CSGALNACT1: variants seen among roughly 807,000 people sequenced by gnomAD.
CSGALNACT1 encodes beta4GalNAcT-1.
In CSGALNACT1, 52 loss-of-function variants were observed where a neutral mutation model predicts 51.0. The observed-to-expected ratio is 1.02, with a 90% CI of 0.82 to 1.29. CSGALNACT1 has a LOEUF of 1.29. CSGALNACT1 is among the 50% of genes most tolerant of loss of function. The pLI is 0.00. For synonymous variants in CSGALNACT1, 341 were observed against 254.4 expected (o/e 1.34, Z -3.24); for missense variants, 935 against 679.2 (o/e 1.38, Z -4.19).
At chr8:19,745,426 C>G (rs1375829284) in intron 1 of CSGALNACT1, among the ~76,000 whole-genome samples, 1 of 152,138 alleles carries the variant, frequency 6.6e-6, no homozygotes, top group Non-Finnish European at 1.5e-5. Context: ...ATTATCAAAT[C>G]AAGGCATACA....
In CSGALNACT1 at chr8:19,450,901, T is replaced by C. The variant is rs1158059447; in HGVS notation, c.851+7525A>G. Among the ~76,000 whole-genome samples the C allele has an allele frequency of 2.6e-5, 4 of 151,836 alleles. No individual in the cohort carries two copies. The South Asian group carries it at 8.3e-4, about 32-fold the overall frequency. On this transcript the variant is annotated intron_variant, in intron 5 of 9. Transcript: ENST00000454498. ...CACCAGACTGGGCTACTGAGCTTTT[T>C]TAGAGACCCTGTCTTCAAAAAAAAA... is the stretch of plus-strand genomic sequence containing the variant.
At chr8:19,708,288 A>C (rs2062298249) in intron 1 of CSGALNACT1, among the ~76,000 whole-genome samples, 1 of 152,238 alleles carries the variant, frequency 6.6e-6, no homozygotes, top group Admixed American at 6.5e-5. Flanking sequence ...CAGCAGACTC[A>C]GCACCTAGGA....
At chr8:19,684,119 T>G (rs1215529718), upstream of CSGALNACT1, among the ~76,000 whole-genome samples, 2 of 152,168 alleles carry the variant, frequency 1.3e-5, no homozygotes, top group Non-Finnish European at 2.9e-5. Flanking sequence ...GGAGCAGAGA[T>G]AGTGCCATTG....
chr8:19,438,110 A>G (rs1237776750), intron 6 of CSGALNACT1, among the ~76,000 whole-genome samples: 1 of 151,022 alleles, frequency 6.6e-6, no homozygotes, highest in East Asian at 2.0e-4. Context: ...GAAATCTGCC[A>G]TACCCATAGG....
chr8:19,467,258 T>C (rs1374507857), intron 4 of CSGALNACT1, among the ~76,000 whole-genome samples: 1 of 151,996 alleles, frequency 6.6e-6, no homozygotes, highest in East Asian at 1.9e-4. Flanking sequence ...TAGCTGGGAC[T>C]ACAGGAGCCC....
At chr8:19,603,094 G>T (rs1588958807), upstream of CSGALNACT1, among the ~76,000 whole-genome samples, 3 of 128,944 alleles carry the variant, frequency 2.3e-5, no homozygotes, top group African/African-American at 6.1e-5. Flanking sequence ...ACACAGAATT[G>T]CTCCCATTTC....
At chr8:19,652,962 A>T (rs2057944750) in intron 1 of CSGALNACT1, among the ~76,000 whole-genome samples, 1 of 152,176 alleles carries the variant, frequency 6.6e-6, no homozygotes, top group South Asian at 2.1e-4. Context: ...ATTTTCCAGT[A>T]ACCAAGTATC....
At chr8:19,560,195 T>A (rs992911348) in intron 3 of CSGALNACT1, among the ~76,000 whole-genome samples, 1 of 152,104 alleles carries the variant, frequency 6.6e-6, no homozygotes, top group Non-Finnish European at 1.5e-5. Context: ...AGTATCCAAA[T>A]AAAAAAATTC....
At chr8:19,710,562 G>C (rs759876277) in intron 1 of CSGALNACT1, among the ~76,000 whole-genome samples, 1 of 152,038 alleles carries the variant, frequency 6.6e-6, no homozygotes, top group Non-Finnish European at 1.5e-5. Flanking sequence ...AAGCAAACAG[G>C]GCACAATGTT....
intron 1 of CSGALNACT1, among the ~76,000 whole-genome samples, chr8:19,615,159 C>A (rs1318603418): frequency 4.6e-5 from 7 of 152,112 alleles, no homozygotes; most frequent in Non-Finnish European, 8.8e-5. Context: ...CAAAAATTAA[C>A]CAGGCATGCT....
intron 6 of CSGALNACT1, 115 bp downstream of exon 5, chr8:19,439,715 C>T (rs2153749132): frequency 1.2e-6 from 1 of 810,266 alleles, no homozygotes; most frequent in East Asian, 2.7e-5. Context: ...ATCAATCCAT[C>T]CCAGTTCACC....
chr8:19,750,457 A>G (rs1382681070), intron 1 of CSGALNACT1, among the ~76,000 whole-genome samples: 3 of 152,148 alleles, frequency 2.0e-5, no homozygotes, highest in African/African-American at 4.8e-5. Flanking sequence ...GGTTGAGAGG[A>G]GACAGATGAG....
At chr8:19,616,821 C>T (rs994604167) in intron 1 of CSGALNACT1, among the ~76,000 whole-genome samples, 1 of 152,194 alleles carries the variant, frequency 6.6e-6, no homozygotes, top group African/African-American at 2.4e-5. Context: ...ATCAGCAGAA[C>T]TGTGAGCCAA....
chr8:19,552,751 T>G (rs560031874), intron 3 of CSGALNACT1, among the ~76,000 whole-genome samples: 2 of 152,342 alleles, frequency 1.3e-5, no homozygotes, highest in South Asian at 4.1e-4. Context: ...TTAGTTTCCT[T>G]GTGTAAAAAG....
intron 1 of CSGALNACT1, among the ~76,000 whole-genome samples, chr8:19,692,465 C>T (rs1421448834): frequency 6.6e-6 from 1 of 152,122 alleles, no homozygotes; most frequent in Non-Finnish European, 1.5e-5. Context: ...TGTCTACGCT[C>T]ATGGTAAGGG....
intron 1 of CSGALNACT1, among the ~76,000 whole-genome samples, chr8:19,749,702 T>C (rs886244019): frequency 1.5e-4 from 23 of 152,294 alleles, no homozygotes; most frequent in Middle Eastern, 3.4e-3. Flanking sequence ...CTCTGCATCA[T>C]AGTGAAACAG....
At chr8:19,516,925 A>G (rs1220732467) in intron 3 of CSGALNACT1, among the ~76,000 whole-genome samples, 1 of 152,136 alleles carries the variant, frequency 6.6e-6, no homozygotes, top group Non-Finnish European at 1.5e-5. Flanking sequence ...TCCAGCTGGA[A>G]TCTGCAGCCA....
intron 1 of CSGALNACT1, among the ~76,000 whole-genome samples, chr8:19,679,384 G>C (rs1248000065): frequency 6.6e-6 from 1 of 152,072 alleles, no homozygotes; most frequent in African/African-American, 2.4e-5. Context: ...TGAGCTCAGG[G>C]AGGTCGAGGC....
At chr8:19,675,640 G>A (rs938254070) in intron 1 of CSGALNACT1, among the ~76,000 whole-genome samples, 30 of 152,174 alleles carry the variant, frequency 2.0e-4, no homozygotes, top group African/African-American at 6.7e-4. Flanking sequence ...TTACAGGCAC[G>A]TGCCACCACA....
Sources: allele counts gnomAD v4.1 joint callset (sites outside exome capture counted in the v4.1 genomes callset), GRCh38; gene constraint gnomAD v4.1.1; transcripts MANE v1.5; gene names NCBI Gene and HGNC (gene_info 2026-07-23, HGNC 2026-07-21).